The following DENND5A variants were observed in gnomAD, a reference collection of about 807,000 sequenced individuals.
The protein encoded by DENND5A is DENN domain containing 5A, also known as DENN domain-containing protein 5A.
DENND5A carries 64 observed loss-of-function variants against 140.3 expected under a neutral mutation model. The ratio of observed to expected loss-of-function variants is 0.46; its 90% CI spans 0.37 to 0.56. DENND5A has a LOEUF of 0.56. Ranked by LOEUF, DENND5A falls within the 20% of genes least tolerant of loss-of-function variation. DENND5A has a pLI of 0.00. For synonymous variants in DENND5A, 605 were observed against 607.7 expected (o/e 1.00, Z 0.07); for missense variants, 1,292 against 1,593.8 (o/e 0.81, Z 3.22).
chr11:9,215,970 A>T (rs1480598804), intron 1 of DENND5A, among the ~76,000 whole-genome samples: 2 of 152,234 alleles, frequency 1.3e-5, no homozygotes, highest in African/African-American at 2.4e-5. Flanking sequence ...TAGCCCCTCC[A>T]GAAAATTGGG....
At chr11:9,186,102 T>G (rs954339199) in intron 5 of DENND5A, among the ~76,000 whole-genome samples, 5 of 152,218 alleles carry the variant, frequency 3.3e-5, no homozygotes, top group African/African-American at 1.2e-4. Context: ...ATTTGCTGAG[T>G]GCATAAATTA....
rs1281075279 is a variant in DENND5A at position 9,170,574 on chromosome 11, T to A, written c.2057+53A>T. 5.0e-6 allele frequency: 8 copies of A among 1,600,138 alleles called. No homozygotes were observed. In the East Asian group the frequency reaches 1.8e-4, roughly 36 times the overall value. On this transcript the variant is annotated intron_variant, in intron 9 of 22. Coordinates refer to ENST00000328194, the MANE Select transcript of DENND5A (RefSeq NM_015213.4). ...TAACAGCCCTAGCCCAGATACTAGA[T>A]GACCCTATTACAGCTAGGGAGTTGG...
chr11:9,147,183 G>T lies in DENND5A; in HGVS notation c.2736-32C>A. 3 of 1,606,876 alleles carry T rather than the reference G, an allele frequency of 1.9e-6. No individual in the cohort carries two copies. In the South Asian group the frequency reaches 3.3e-5, roughly 18 times the overall value. Reference sequence around the variant, plus strand: ...GAGAGGAGGTAATACATCAGTCTCCGACCAAAAGGAAGGGAAAGAAACTAG... The same window carrying T: ...GAGAGGAGGTAATACATCAGTCTCCTACCAAAAGGAAGGGAAAGAAACTAG... On this transcript the variant is annotated intron_variant, in intron 15 of 22. Transcript: ENST00000328194.
At chr11:9,218,492 G>C (rs190046823) in intron 1 of DENND5A, among the ~76,000 whole-genome samples, 1 of 152,224 alleles carries the variant, frequency 6.6e-6, no homozygotes, top group African/African-American at 2.4e-5. Context: ...TTGGGAGGCC[G>C]AGGGGAGTGG....
At chr11:9,203,057 G>A (rs993791221) in intron 4 of DENND5A, among the ~76,000 whole-genome samples, 2 of 152,070 alleles carry the variant, frequency 1.3e-5, no homozygotes, top group African/African-American at 2.4e-5. Context: ...TTGAAACAAT[G>A]CCTGACACAT....
intron 12 of DENND5A, among the ~76,000 whole-genome samples, chr11:9,155,646 A>T (rs1334378584): frequency 6.6e-6 from 1 of 152,218 alleles, no homozygotes; most frequent in Non-Finnish European, 1.5e-5. Context: ...CACACAATAA[A>T]CTGCATCAGA....
chr11:9,162,859 T>C (rs1848035340), intron 11 of DENND5A, among the ~76,000 whole-genome samples: 1 of 127,954 alleles, frequency 7.8e-6, no homozygotes, highest in Non-Finnish European at 1.6e-5. Flanking sequence ...ATGTTTCTTT[T>C]GTGATTTTTT....
Position 9,174,712 on chromosome 11 carries a change from AAC to A in DENND5A, c.1906+3418_1906+3419del, listed in dbSNP as rs200719745. Among the ~76,000 whole-genome samples, 333 of 150,552 alleles carry A rather than the reference AAC, an allele frequency of 2.2e-3. 3 individuals carry two copies. Among genetic ancestry groups the A allele is most frequent in the African/African-American group, 8.1e-3 (325 of 40,018 alleles). The stretch of plus-strand genomic sequence containing the variant: ...GAGACCCCATCAACATTAAAACAAC[AAC>A]AAAAAAAATCAATATAATTCACCAT... On this transcript the variant is annotated intron_variant, in intron 8 of 22. Transcript: ENST00000328194.
rs773154108 is a variant in DENND5A at position 9,206,686 on chromosome 11, T to C, written c.278A>G (p.Asp93Gly). Residue 93 changes from aspartate to glycine, a missense_variant, in exon 3 of 23, where the codon GAT becomes GGT. Physicochemically the swap from Asp to Gly is moderately conservative, Grantham distance 94. Coordinates refer to ENST00000328194, the MANE Select transcript of DENND5A (RefSeq NM_015213.4). ...ENVEWNPFDQ[D>G]AVGMLCMPKG... ...ACAAATACCAACCATTCCTACTGCA[T>C]CTTGGTCAAAGGGATTCCATTCTAC... 2 of 1,610,150 alleles carry C rather than the reference T, an allele frequency of 1.2e-6. No homozygotes were observed. The highest frequency in any genetic ancestry group is 2.2e-5 in the South Asian group (2 of 90,970).
chr11:9,201,161 T>C (rs1252267435), intron 4 of DENND5A, among the ~76,000 whole-genome samples: 1 of 151,828 alleles, frequency 6.6e-6, no homozygotes. Context: ...TGAAAACCAC[T>C]ATTCTGCCAG....
At chr11:9,171,030 T>C in intron 8 of DENND5A, 1 of 502,942 alleles carries the variant, frequency 2.0e-6, no homozygotes, top group Non-Finnish European at 3.4e-6. Flanking sequence ...AGGTAACCCC[T>C]AGAACTATCC....
At chr11:9,260,281 G>A (rs78528892) in intron 1 of DENND5A, among the ~76,000 whole-genome samples, 8,898 of 152,006 alleles carry the variant, frequency 0.059, 358 homozygotes, top group South Asian at 0.1. Flanking sequence ...TAAGAAATAC[G>A]TCACAAGTAT....
rs576499325 is a variant in DENND5A at position 9,192,090 on chromosome 11, G to A, written c.1137+1404C>T. Among the ~76,000 whole-genome samples the A allele has an allele frequency of 4.6e-5, 7 of 152,226 alleles. No homozygotes were observed. The East Asian group carries it at 1.4e-3, about 29-fold the overall frequency. On this transcript the variant is annotated intron_variant, in intron 5 of 22. Transcript: ENST00000328194. ...CTATAAAGTCAAAGAAGAAAAAAGG[G>A]CAGAAATGGAAGAAGCTACAAGGAA...
intron 12 of DENND5A, among the ~76,000 whole-genome samples, chr11:9,155,613 G>A (rs994067537): frequency 6.6e-6 from 1 of 152,212 alleles, no homozygotes; most frequent in Non-Finnish European, 1.5e-5. Flanking sequence ...AATACAGCCT[G>A]ACTATCCATT....
In DENND5A at chr11:9,265,129, G is replaced by GCGCCCGCC. The variant is rs1852390768; in HGVS notation, c.-68_-61dup. On this transcript the variant is annotated 5_prime_UTR_variant, in exon 1 of 23. Coordinates refer to ENST00000328194, the MANE Select transcript of DENND5A (RefSeq NM_015213.4). This position sits in a 1 kb window ranked among gnomAD's most constrained non-coding sequence, Gnocchi z 4.7. ...GCGGCACCGAGCCCCCGCAACCCGG[G>GCGCCCGCC]CGCCCGCCCGTCCGCCCTCAGGCCG... 4 of 1,041,766 alleles carry GCGCCCGCC rather than the reference G, an allele frequency of 3.8e-6. No homozygotes were observed. Among genetic ancestry groups the GCGCCCGCC allele is most frequent in the Non-Finnish European group, 3.6e-6 (3 of 843,802 alleles). 64.5% of individuals were successfully genotyped at this position (1,041,766 alleles called of 1,614,324 possible). A position where few individuals can be genotyped will look rare whatever the true frequency, so the allele number is the denominator to read the frequency against.
chr11:9,222,501 A>T (rs1268514059), intron 1 of DENND5A, among the ~76,000 whole-genome samples: 2 of 152,212 alleles, frequency 1.3e-5, no homozygotes, highest in African/African-American at 4.8e-5. Flanking sequence ...GTTTCCAGGA[A>T]CTTTTTTATA....
chr11:9,262,803 G>A (rs890344547), intron 1 of DENND5A, among the ~76,000 whole-genome samples: 1 of 151,772 alleles, frequency 6.6e-6, no homozygotes, highest in Non-Finnish European at 1.5e-5. Flanking sequence ...GTGCAGTGGC[G>A]CGATCTGGGC....
chr11:9,203,871 G>T lies in DENND5A; in HGVS notation c.738C>A (p.Asn246Lys). The T allele has an allele frequency of 2.5e-6, 4 of 1,614,136 alleles. No homozygotes were observed. The highest frequency in any genetic ancestry group is 3.4e-6 in the Non-Finnish European group (4 of 1,180,022). The change falls in exon 4 of 23, where the codon AAC (asparagine) becomes AAA (lysine). Residue 246 changes from asparagine to lysine, a missense_variant. Transcript: ENST00000328194. ...GTGGGAGCGGCACCTCGTAGAGTAC[G>T]TTGTATATGTAGCTCTCAAGGGGCA... ...PPLPLESYIY[N>K]VLYEVPLPPP...
intron 1 of DENND5A, among the ~76,000 whole-genome samples, chr11:9,215,044 T>C (rs544656012): frequency 2.0e-5 from 3 of 152,228 alleles, no homozygotes; most frequent in Admixed American, 6.5e-5. Context: ...CACTTCTAAG[T>C]CCTCTTCCAA....
Sources: allele counts gnomAD v4.1 joint callset (sites outside exome capture counted in the v4.1 genomes callset), GRCh38; gene constraint gnomAD v4.1.1; non-coding constraint Gnocchi (gnomAD v3.1); transcripts MANE v1.5; gene names NCBI Gene and HGNC (gene_info 2026-07-23, HGNC 2026-07-21).